The following ATXN1 variants were observed in gnomAD, a reference collection of about 807,000 sequenced individuals.
ATXN1 encodes the protein ataxin-1.
A neutral mutation model predicts 56.4 loss-of-function variants in ATXN1; 8 were observed. The ratio of observed to expected loss-of-function variants is 0.14; its 90% confidence interval spans 0.08 to 0.26. The LOEUF (loss-of-function observed/expected upper bound fraction) is 0.26, where lower values mean the gene tolerates loss of function less well. Ranked by LOEUF, ATXN1 falls within the 10% of genes least tolerant of loss-of-function variation. ATXN1 has a pLI of 1.00. For missense variants in ATXN1, 987 were observed against 1,106.5 expected (o/e 0.89, Z 1.53); for synonymous variants, 514 against 494.6 (o/e 1.04, Z -0.52).
At position 16,663,065 on chromosome 6, in the gene ATXN1, C is replaced by T. The variant is rs540424415; in HGVS notation, c.-614-5164G>A. On this transcript the variant is annotated intron_variant, in intron 2 of 7. Transcript: ENST00000436367. ...TCGGCTCGCTGCAACCTCTGCCTCC[C>T]GGGTTCAAGCGATTCTCCTGCCTCA... Among the ~76,000 whole-genome samples the T allele has an allele frequency of 4.0e-4, 60 of 150,908 alleles. No individual in the cohort carries two copies. The South Asian group carries it at 0.011, about 28-fold the overall frequency.
chr6:16,401,662 A>G (rs1758573906), intron 6 of ATXN1, among the ~76,000 whole-genome samples: 1 of 152,220 alleles, frequency 6.6e-6, no homozygotes, highest in Non-Finnish European at 1.5e-5. Context: ...TCAAAAAGGA[A>G]AATAATGTTG....
chr6:16,397,986 G>A (rs1758490310), intron 6 of ATXN1, among the ~76,000 whole-genome samples: 1 of 152,184 alleles, frequency 6.6e-6, no homozygotes, highest in Admixed American at 6.5e-5. Flanking sequence ...CACATATCTA[G>A]TAAGTTGCAT....
At chr6:16,552,319 T>G (rs546728976) in intron 4 of ATXN1, among the ~76,000 whole-genome samples, 1 of 152,318 alleles carries the variant, frequency 6.6e-6, no homozygotes, top group African/African-American at 2.4e-5. Flanking sequence ...TATGAAGCCA[T>G]GTAGTGGGGA....
At chr6:16,637,577 C>T (rs1355399004) in intron 3 of ATXN1, among the ~76,000 whole-genome samples, 2 of 152,024 alleles carry the variant, frequency 1.3e-5, no homozygotes, top group African/African-American at 4.8e-5. Flanking sequence ...AGCTGTTTCT[C>T]CAATTAGAGT....
intron 2 of ATXN1, among the ~76,000 whole-genome samples, chr6:16,706,622 G>A (rs1759411935): frequency 1.3e-5 from 2 of 151,698 alleles, no homozygotes; most frequent in Admixed American, 1.3e-4. Context: ...CTACTCAGGA[G>A]ACTGAGGCAG....
chr6:16,479,777 G>A (rs959628136), intron 6 of ATXN1, among the ~76,000 whole-genome samples: 3 of 152,164 alleles, frequency 2.0e-5, no homozygotes, highest in African/African-American at 7.2e-5. Flanking sequence ...ACAAAGTTCA[G>A]TTGGAAACAC....
At chr6:16,733,705 G>A (rs1760045824) in intron 2 of ATXN1, among the ~76,000 whole-genome samples, 1 of 152,206 alleles carries the variant, frequency 6.6e-6, no homozygotes, top group Non-Finnish European at 1.5e-5. Context: ...AAATTAGCTG[G>A]GTGTGGTGGC....
chr6:16,340,391 T>C (rs557227027), intron 6 of ATXN1, among the ~76,000 whole-genome samples: 1 of 152,346 alleles, frequency 6.6e-6, no homozygotes, highest in East Asian at 1.9e-4. Context: ...CTTCCCTGGT[T>C]GGTGATTCTT....
At chr6:16,689,035 T>C (rs1343844138) in intron 2 of ATXN1, among the ~76,000 whole-genome samples, 1 of 148,586 alleles carries the variant, frequency 6.7e-6, no homozygotes, top group Non-Finnish European at 1.5e-5. Context: ...TGCAGATGTG[T>C]ATATGTGTAC....
intron 2 of ATXN1, among the ~76,000 whole-genome samples, chr6:16,677,341 G>A (rs935890014): frequency 9.9e-5 from 15 of 152,114 alleles, no homozygotes; most frequent in African/African-American, 3.4e-4. Context: ...AAAATCCCAC[G>A]TAGGTAAGAG....
At chr6:16,364,391 G>A (rs1171533432) in intron 6 of ATXN1, among the ~76,000 whole-genome samples, 9 of 151,772 alleles carry the variant, frequency 5.9e-5, no homozygotes, top group Admixed American at 4.6e-4. Flanking sequence ...TGCAAGCTCC[G>A]CCTCCACGTT....
At chr6:16,634,731 A>G (rs546837375) in intron 3 of ATXN1, among the ~76,000 whole-genome samples, 51 of 152,234 alleles carry the variant, frequency 3.4e-4, no homozygotes, top group Admixed American at 9.2e-4. Context: ...AGCATGTATT[A>G]ATACTTTGCT....
chr6:16,560,979 T>G (rs568480708), intron 4 of ATXN1, among the ~76,000 whole-genome samples: 7 of 152,304 alleles, frequency 4.6e-5, no homozygotes, highest in Middle Eastern at 3.4e-3. Flanking sequence ...GAGAACAAAA[T>G]GGGAGTGATG....
In ATXN1 at chr6:16,306,128, C is replaced by A; in HGVS notation, c.*201G>T. 1 of 580,692 alleles carries A rather than the reference C, an allele frequency of 1.7e-6. No homozygotes were observed. The highest frequency in any genetic ancestry group is 2.8e-6 in the Non-Finnish European group (1 of 356,654). 36.0% of individuals were successfully genotyped at this position (580,692 alleles called of 1,614,324 possible). ...CTCCTGCTGTGCCCTTCCTCCCGCCCGCTCACTGACAGACACTCGTGGAAA... is the reference window on the plus strand; with the variant it reads ...CTCCTGCTGTGCCCTTCCTCCCGCCAGCTCACTGACAGACACTCGTGGAAA... On this transcript the variant is annotated 3_prime_UTR_variant, in exon 8 of 8. Transcript: ENST00000436367. The surrounding 1 kb of genome is among the most constrained non-coding windows in gnomAD (Gnocchi z 5.2).
chr6:16,660,837 T>G (rs972996959), intron 2 of ATXN1, among the ~76,000 whole-genome samples: 9 of 145,410 alleles, frequency 6.2e-5, no homozygotes, highest in African/African-American at 2.3e-4. Flanking sequence ...TTTTGGTTTT[T>G]TTTTTTTTTT....
intron 2 of ATXN1, among the ~76,000 whole-genome samples, chr6:16,716,254 G>C (rs773084879): frequency 4.6e-5 from 7 of 152,168 alleles, no homozygotes; most frequent in Non-Finnish European, 7.3e-5. Flanking sequence ...AATATGGTAG[G>C]TACTGTTTGT....
intron 6 of ATXN1, among the ~76,000 whole-genome samples, chr6:16,339,163 A>G (rs1453892585): frequency 6.6e-6 from 1 of 152,156 alleles, no homozygotes; most frequent in Non-Finnish European, 1.5e-5. Flanking sequence ...GCTTCACCAC[A>G]CAACACGATG....
intron 7 of ATXN1, among the ~76,000 whole-genome samples, chr6:16,325,194 T>C (rs556813110): frequency 6.6e-6 from 1 of 151,838 alleles, no homozygotes; most frequent in South Asian, 2.1e-4. Flanking sequence ...CTCGGCTCAC[T>C]GCAATCCCCA....
rs1191594039 is a variant in ATXN1 at position 16,536,718 on chromosome 6, CTGCAATGTGCAA to C, written c.-360-14042_-360-14031del. On this transcript the variant is annotated intron_variant, in intron 4 of 7. Transcript: ENST00000436367. The stretch of plus-strand genomic sequence containing the variant: ...GCCAATGTGCTATTGCAATGTGCTA[CTGCAATGTGCAA>C]TGCAATTAGGCTATTAAATAATAGA... Among the ~76,000 whole-genome samples, 379 of 152,282 alleles carry C rather than the reference CTGCAATGTGCAA, an allele frequency of 2.5e-3. 2 individuals carry two copies. Among genetic ancestry groups the C allele is most frequent in the African/African-American group, 8.6e-3 (356 of 41,542 alleles).
Sources: allele counts gnomAD v4.1 joint callset (sites outside exome capture counted in the v4.1 genomes callset), GRCh38; gene constraint gnomAD v4.1.1; non-coding constraint Gnocchi (gnomAD v3.1); transcripts MANE v1.5; gene names NCBI Gene and HGNC (gene_info 2026-07-23, HGNC 2026-07-21).